Variants in DST observed in about 807,000 individuals in gnomAD.
The protein encoded by DST is bullous pemphigoid antigen.
A neutral mutation model predicts 875.2 loss-of-function variants in DST; 253 were observed. The ratio of observed to expected loss-of-function variants is 0.29; its 90% CI spans 0.26 to 0.32. The LOEUF is 0.32. Among genes scored for constraint, DST ranks in the 10% least tolerant of loss-of-function variants. The probability of loss-of-function intolerance (pLI) is 1.00; values close to 1 mark genes in which losing one functional copy is unlikely to be tolerated. For synonymous variants in DST, 3,124 were observed against 3,197.1 expected, an observed-to-expected ratio of 0.98 and a Z score of 0.77; for missense variants, 8,287 against 9,111.6, an observed-to-expected ratio of 0.91 and a Z score of 3.68.
At chr6:56,881,014 A>C (rs1177970895) in intron 3 of DST, among the ~76,000 whole-genome samples, 1 of 151,198 alleles carries the variant, frequency 6.6e-6, no homozygotes, top group African/African-American at 2.4e-5. Context: ...CGCCCGGCTA[A>C]TTTTTTGTAT....
chr6:56,876,085 C>T (rs1461238512), intron 3 of DST, among the ~76,000 whole-genome samples: 1 of 152,124 alleles, frequency 6.6e-6, no homozygotes, highest in African/African-American at 2.4e-5. Flanking sequence ...CTGCATGTCT[C>T]ATCGAAATCC....
chr6:56,601,705 T>A (rs1053714497), intron 43 of DST, 29 bp from the exon 44 acceptor site: 10 of 1,335,186 alleles, frequency 7.5e-6, no homozygotes, highest in Admixed American at 2.3e-5. Flanking sequence ...AAGCTATCAG[T>A]AGAAAGTTAA....
intron 2 of DST, among the ~76,000 whole-genome samples, chr6:56,921,227 G>A (rs140334257): frequency 6.6e-6 from 1 of 152,032 alleles, no homozygotes; most frequent in Non-Finnish European, 1.5e-5. Flanking sequence ...TTATTATCTA[G>A]AAAAGCTCTA....
intron 9 of DST, among the ~76,000 whole-genome samples, chr6:56,699,367 T>A (rs1021041524): frequency 6.6e-6 from 1 of 152,138 alleles, no homozygotes; most frequent in Non-Finnish European, 1.5e-5. Context: ...TACTTTCTAA[T>A]GAGCAAAAAA....
chr6:56,900,734 C>T (rs1413971490), intron 2 of DST, 113 bp from the exon 3 acceptor site: 7 of 712,376 alleles, frequency 9.8e-6, no homozygotes, highest in South Asian at 5.2e-5. Flanking sequence ...AGTGAGATCA[C>T]GTGCACTCCC....
chr6:56,463,009 G>A (rs758173739), intron 102 of DST, 37 bp downstream of exon 102: 16 of 1,210,004 alleles, frequency 1.3e-5, no homozygotes, highest in Middle Eastern at 3.8e-4. Flanking sequence ...TCAGTTAAAG[G>A]AGAATGTTAA....
intron 4 of DST, 62 bp from the exon 5 acceptor site, chr6:56,735,351 G>T: frequency 3.2e-6 from 3 of 945,436 alleles, no homozygotes; most frequent in South Asian, 1.5e-5. Context: ...ATGACTTTGT[G>T]ATCATGAATA....
chr6:56,918,587 C>T (rs1223793397), intron 2 of DST, among the ~76,000 whole-genome samples: 5 of 152,018 alleles, frequency 3.3e-5, no homozygotes, highest in South Asian at 2.1e-4. Flanking sequence ...ATTTCCAGTC[C>T]GTAGGAAAAA....
intron 51 of DST, 33 bp downstream of exon 51, chr6:56,573,646 C>G: frequency 1.3e-6 from 2 of 1,543,906 alleles, no homozygotes; most frequent in Non-Finnish European, 1.8e-6. Flanking sequence ...TTTTAAAAAA[C>G]TGAAAATGGG....
chr6:56,536,774 A>G lies in DST; in HGVS notation c.16770+5T>C, dbSNP rs769121936. ...AAATAGCAATGAAGGGGGTGAGAAA[A>G]TTACCTTCTTATTGAGAGTCTTCCA... is the stretch of plus-strand genomic sequence containing the variant. On this transcript the variant is annotated splice_donor_5th_base_variant and intron_variant, in intron 62 of 103. Coordinates refer to ENST00000680361, the MANE Select transcript of DST (RefSeq NM_001374736.1). 1 of 1,533,592 alleles carries G rather than the reference A, an allele frequency of 6.5e-7. No homozygotes were observed. The highest frequency in any genetic ancestry group is 1.4e-5 in the African/African-American group (1 of 72,360). The allele number at this position is 1,533,592 out of a possible 1,614,324, so 95.0% of individuals were successfully genotyped here.
intron 82 of DST, among the ~76,000 whole-genome samples, chr6:56,496,956 C>T (rs950409420): frequency 3.3e-5 from 5 of 151,814 alleles, no homozygotes; most frequent in Admixed American, 1.3e-4. Context: ...TAGGTGGGAA[C>T]TGAACAATGA....
chr6:56,824,477 A>G (rs1251115563), intron 4 of DST, among the ~76,000 whole-genome samples: 2 of 144,534 alleles, frequency 1.4e-5, no homozygotes, highest in African/African-American at 5.2e-5. Context: ...ATCGTCTGGG[A>G]TGTGAGGAGA....
At chr6:56,744,024 C>G (rs1383570727) in intron 4 of DST, among the ~76,000 whole-genome samples, 1 of 151,852 alleles carries the variant, frequency 6.6e-6, no homozygotes, top group Non-Finnish European at 1.5e-5. Context: ...TGACAGGCAC[C>G]TGTAATCCCA....
rs988833662 is a variant in DST, at chr6:56,842,556, A to G, written c.625+8841T>C. 2.0e-5 allele frequency among the ~76,000 whole-genome samples: 3 copies of G among 152,312 alleles called. No individual in the cohort carries two copies. The East Asian group carries it at 5.8e-4, about 29-fold the overall frequency. ...AAAGTCTTTTATCCATCACGCTATA[A>G]AATAATTTTTACAATATATCAGAGT... is the stretch of plus-strand genomic sequence containing the variant. On this transcript the variant is annotated intron_variant, in intron 4 of 103. Coordinates refer to ENST00000680361, the MANE Select transcript of DST (RefSeq NM_001374736.1).
chr6:56,711,010 A>AG (rs1275585670), intron 5 of DST, among the ~76,000 whole-genome samples: 10 of 147,918 alleles, frequency 6.8e-5, no homozygotes, highest in African/African-American at 2.7e-4. Context: ...AATAATAGAG[A>AG]GTTTTTTTTT....
chr6:56,790,937 T>C (rs1363730988), intron 4 of DST, among the ~76,000 whole-genome samples: 2 of 152,138 alleles, frequency 1.3e-5, no homozygotes, highest in African/African-American at 4.8e-5. Context: ...GAAATGCTAC[T>C]TAGAGGGTAA....
chr6:56,666,317 G>A (rs1188466358), intron 10 of DST, among the ~76,000 whole-genome samples: 1 of 152,034 alleles, frequency 6.6e-6, no homozygotes, highest in Non-Finnish European at 1.5e-5. Context: ...AAATGTGAAG[G>A]ATGCTATTGC....
At position 56,752,448 on chromosome 6, in the gene DST, T is replaced by A. The variant is rs373561763; in HGVS notation, c.626-17159A>T. 1.4e-4 allele frequency among the ~76,000 whole-genome samples: 22 copies of A among 152,274 alleles called. No individual in the cohort carries two copies. The East Asian group carries it at 3.9e-3, about 27-fold the overall frequency. ...CAAAACAAGATAAAGAACATTTTCA[T>A]CCCCCAACAAAGTTATCTTGTGCCT... On this transcript the variant is annotated intron_variant, in intron 4 of 103. Coordinates refer to ENST00000680361, the MANE Select transcript of DST (RefSeq NM_001374736.1).
intron 90 of DST, 143 bp from the exon 91 acceptor site, chr6:56,477,631 G>A (rs2152412470): frequency 1.0e-6 from 1 of 997,710 alleles, no homozygotes; most frequent in East Asian, 2.4e-5. Flanking sequence ...CTACTAATTG[G>A]GGAGGAAAAG....
Sources: allele counts gnomAD v4.1 joint callset (sites outside exome capture counted in the v4.1 genomes callset), GRCh38; gene constraint gnomAD v4.1.1; transcripts MANE v1.5; gene names NCBI Gene and HGNC (gene_info 2026-07-23, HGNC 2026-07-21).